Variants in ARHGAP8 observed in about 807,000 individuals in gnomAD.
ARHGAP8 encodes the protein Rho GTPase activating protein 8.
ARHGAP8 carries 62 observed loss-of-function variants against 46.1 expected under a neutral mutation model. The ratio of observed to expected loss-of-function variants is 1.34; its 90% CI spans 1.10 to 1.66. The LOEUF (loss-of-function observed/expected upper bound fraction) is 1.66. Ranked by LOEUF, ARHGAP8 falls within the 40% of genes most tolerant of loss-of-function variation. The pLI is 0.00. For missense variants in ARHGAP8, 923 were observed against 568.4 expected (o/e 1.62, Z -6.34); for synonymous variants, 375 against 243.1 (o/e 1.54, Z -5.05).
At chr22:44,758,630 A>G (rs541524505) in intron 1 of ARHGAP8, among the ~76,000 whole-genome samples, 1 of 145,402 alleles carries the variant, frequency 6.9e-6, no homozygotes, top group East Asian at 2.3e-4. Context: ...GAGGGGGGGA[A>G]CATAGCGTGT....
chr22:44,772,896 G>A (rs1926143503), intron 1 of ARHGAP8, among the ~76,000 whole-genome samples: 2 of 137,724 alleles, frequency 1.5e-5, no homozygotes, highest in African/African-American at 5.4e-5. Context: ...ATGTCTCATT[G>A]CAGCCCTGAC....
At chr22:44,858,746 GAGT>G (rs2070322813) in intron 10 of ARHGAP8, among the ~76,000 whole-genome samples, 1 of 131,892 alleles carries the variant, frequency 7.6e-6, no homozygotes, top group African/African-American at 2.7e-5. Context: ...GGGGGTCTCA[GAGT>G]GGGGGCCAGT....
At chr22:44,799,300 G>T (rs1928316446) in intron 2 of ARHGAP8, among the ~76,000 whole-genome samples, 1 of 152,234 alleles carries the variant, frequency 6.6e-6, no homozygotes, top group African/African-American at 2.4e-5. Context: ...GTACCACTGG[G>T]GTTGGAGCCC....
At chr22:44,820,771 CG>C (rs1569161909) in intron 5 of ARHGAP8, among the ~76,000 whole-genome samples, 1 of 152,196 alleles carries the variant, frequency 6.6e-6, no homozygotes, top group African/African-American at 2.4e-5. Context: ...CCTCAGCCCC[CG>C]GGTCCGATTC....
At chr22:44,768,466 ATT>A (rs58497118) in intron 1 of ARHGAP8, among the ~76,000 whole-genome samples, 27 of 140,964 alleles carry the variant, frequency 1.9e-4, no homozygotes, top group Admixed American at 2.2e-4. Flanking sequence ...CACTTGGCTA[ATT>A]TTTTTTTTTT....
intron 7 of ARHGAP8, among the ~76,000 whole-genome samples, chr22:44,844,305 C>T (rs2069902793): frequency 6.6e-6 from 1 of 151,792 alleles, no homozygotes; most frequent in Non-Finnish European, 1.5e-5. Context: ...AAAATGAAGT[C>T]CTAAAAAATA....
intron 4 of ARHGAP8, among the ~76,000 whole-genome samples, chr22:44,810,796 G>A (rs1353457163): frequency 1.3e-5 from 2 of 152,138 alleles, no homozygotes; most frequent in Admixed American, 6.5e-5. Context: ...TAGGGTTCCC[G>A]TGGGGAGCCG....
At chr22:44,787,953 C>A (rs1485462813) in intron 2 of ARHGAP8, among the ~76,000 whole-genome samples, 2 of 110,802 alleles carry the variant, frequency 1.8e-5, no homozygotes, top group Non-Finnish European at 1.9e-5. Flanking sequence ...CCCCAAATGT[C>A]CTTTTAAGAA....
intron 1 of ARHGAP8, among the ~76,000 whole-genome samples, chr22:44,772,809 CTTTT>C (rs5845668): frequency 3.5e-5 from 4 of 113,000 alleles, no homozygotes; most frequent in Non-Finnish European, 5.2e-5. Flanking sequence ...CTCTCTCCCA[CTTTT>C]TTTTTTTTTT....
chr22:44,774,715 T>C (rs924344662), intron 1 of ARHGAP8, among the ~76,000 whole-genome samples: 1 of 151,400 alleles, frequency 6.6e-6, no homozygotes, highest in Non-Finnish European at 1.5e-5. Flanking sequence ...TAGAGACGGA[T>C]TTTACCGTGT....
intron 2 of ARHGAP8, among the ~76,000 whole-genome samples, chr22:44,790,210 G>A (rs937023724): frequency 6.6e-6 from 1 of 152,128 alleles, no homozygotes; most frequent in Non-Finnish European, 1.5e-5. Context: ...AGCAAGAATA[G>A]AGGTTTGAGT....
intron 10 of ARHGAP8, among the ~76,000 whole-genome samples, chr22:44,857,733 G>A (rs1023399553): frequency 6.6e-6 from 1 of 152,198 alleles, no homozygotes; most frequent in African/African-American, 2.4e-5. Context: ...AGGTCAGAGA[G>A]TCCTCGAGGC....
At chr22:44,846,898 G>A (rs2069971088) in intron 8 of ARHGAP8, among the ~76,000 whole-genome samples, 1 of 152,152 alleles carries the variant, frequency 6.6e-6, no homozygotes, top group Admixed American at 6.5e-5. Context: ...TTGTTGGGGG[G>A]CTTCCCTGAG....
intron 1 of ARHGAP8, among the ~76,000 whole-genome samples, chr22:44,770,683 G>GGCATGT (rs1379973807): frequency 6.6e-6 from 1 of 152,174 alleles, no homozygotes; most frequent in Admixed American, 6.5e-5. Context: ...TGGGATTACA[G>GGCATGT]GCATGTGCCA....
intron 7 of ARHGAP8, among the ~76,000 whole-genome samples, chr22:44,837,949 C>A: frequency 6.6e-6 from 1 of 152,086 alleles, no homozygotes; most frequent in Non-Finnish European, 1.5e-5. Context: ...CTCAGAGTCT[C>A]TTCCTGCTCT....
At chr22:44,781,270 T>C (rs1926828507) in intron 1 of ARHGAP8, among the ~76,000 whole-genome samples, 1 of 152,154 alleles carries the variant, frequency 6.6e-6, no homozygotes, top group African/African-American at 2.4e-5. Context: ...CAAGAACTCA[T>C]GATTTTGCCT....
At chr22:44,839,106 C>T (rs1049862911) in intron 7 of ARHGAP8, among the ~76,000 whole-genome samples, 2 of 152,118 alleles carry the variant, frequency 1.3e-5, no homozygotes, top group East Asian at 3.9e-4. Flanking sequence ...GTAACTTTGG[C>T]ACATCCTGGG....
At chr22:44,841,480 C>T (rs913379403) in intron 7 of ARHGAP8, among the ~76,000 whole-genome samples, 2 of 152,174 alleles carry the variant, frequency 1.3e-5, no homozygotes, top group African/African-American at 2.4e-5. Context: ...CCTAGCTCCA[C>T]GTGGCCAAAT....
chr22:44,795,422 T>A (rs1928010522), intron 2 of ARHGAP8, among the ~76,000 whole-genome samples: 1 of 152,034 alleles, frequency 6.6e-6, no homozygotes, highest in Non-Finnish European at 1.5e-5. Flanking sequence ...AGTCCAAGTT[T>A]CTCAGGTGGG....
Sources: allele counts gnomAD v4.1 joint callset (sites outside exome capture counted in the v4.1 genomes callset), GRCh38; gene constraint gnomAD v4.1.1; transcripts MANE v1.5; gene names NCBI Gene and HGNC (gene_info 2026-07-23, HGNC 2026-07-21).